KIAA1210: variants seen among roughly 807,000 people sequenced by gnomAD.
The protein encoded by KIAA1210 is acrosomal protein KIAA1210.
In KIAA1210, 48 loss-of-function variants were observed where a neutral mutation model predicts 78.9. The ratio of observed to expected loss-of-function variants is 0.61; its 90% CI spans 0.48 to 0.77. The LOEUF (loss-of-function observed/expected upper bound fraction) is 0.77. Ranked by LOEUF, KIAA1210 falls within the 30% of genes least tolerant of loss-of-function variation. KIAA1210 has a pLI of 0.00. For missense variants in KIAA1210, 1,108 were observed against 1,100.0 expected, an observed-to-expected ratio of 1.01 and a Z score of -0.10; for synonymous variants, 406 against 404.5, an observed-to-expected ratio of 1.00 and a Z score of -0.04.
Position 119,083,005 on chromosome X carries a change from A to G in KIAA1210, c.4426+10T>C, listed in dbSNP as rs1200789073. On this transcript the variant is annotated intron_variant, in intron 11 of 11. Transcript: ENST00000691062. ...GCTGTTTTTTGAGAGGTCAGAATGT[A>G]TGCTTTTACCTGATTTTGTAGGCTT... The G allele has an allele frequency of 8.7e-7, 1 of 1,155,510 alleles. No individual in the cohort carries two copies. The highest frequency in any genetic ancestry group is 1.2e-6 in the Non-Finnish European group (1 of 855,002).
intron 1 of KIAA1210, among the ~76,000 whole-genome samples, chrX:119,147,808 A>T (rs1929204175): frequency 9.0e-6 from 1 of 111,589 alleles, no homozygotes; most frequent in African/African-American, 3.3e-5. Flanking sequence ...GGGTACTGAA[A>T]TCGGAAATGG....
intron 10 of KIAA1210, among the ~76,000 whole-genome samples, chrX:119,084,124 C>A (rs1389918906): frequency 9.1e-6 from 1 of 109,799 alleles, no homozygotes; most frequent in Non-Finnish European, 1.9e-5. Flanking sequence ...GAGTTAAACA[C>A]CTCCTCGCAC....
intron 2 of KIAA1210, among the ~76,000 whole-genome samples, chrX:119,147,002 G>T (rs925725986): frequency 1.8e-5 from 2 of 111,644 alleles, no homozygotes; most frequent in African/African-American, 6.5e-5. Context: ...GTGGAAGTTG[G>T]GTCTGATCTG....
intron 5 of KIAA1210, among the ~76,000 whole-genome samples, chrX:119,106,385 C>A (rs902966087): frequency 1.8e-5 from 2 of 111,651 alleles, no homozygotes. Flanking sequence ...ATGTAACCTG[C>A]CCTAATTCTT....
At chrX:119,150,236 A>G in intron 1 of KIAA1210, 2 of 1,112,967 alleles carry the variant, frequency 1.8e-6, no homozygotes, top group Non-Finnish European at 2.4e-6. Flanking sequence ...CTCAGACTTG[A>G]GTCATTTCTT....
chrX:119,150,298 C>T lies in KIAA1210; in HGVS notation c.282G>A (p.Trp94Ter). Residue 94 changes from tryptophan (W) to a stop codon, truncating the protein, a stop_gained, in exon 1 of 14, where the codon TGG (tryptophan) becomes TGA (stop). Transcript: ENST00000402510. LOFTEE classifies it high-confidence loss of function. ...AGGAGTGCCACAAAGTACCCCTGCA[C>T]CAAGTGGTAGGGAATCGCGGTGTGC... 2 of 1,204,035 alleles carry T rather than the reference C, an allele frequency of 1.7e-6. No homozygotes were observed. The highest frequency in any genetic ancestry group is 2.2e-6 in the Non-Finnish European group (2 of 891,463).
chrX:119,087,809 G>C lies in KIAA1210; in HGVS notation c.2893C>G (p.Arg965Gly), dbSNP rs745577960. The C allele has an allele frequency of 4.1e-6, 5 of 1,211,504 alleles. No homozygotes were observed. The highest frequency in any genetic ancestry group is 1.7e-5 in the African/African-American group (1 of 57,796). Residue 965 changes from arginine to glycine, a missense_variant, in exon 9 of 12, where the codon CGG becomes GGG. This residue lies in a region of KIAA1210 where 179 missense variants were observed against 174.1 expected (regional missense o/e 1.03). Transcript: ENST00000691062. Reference sequence around the variant, plus strand: ...GAAATGTCTGCCTCAATAGCAGCCCGCTCGAAATTTGAGGACAGTTGCTGG... The same window carrying C: ...GAAATGTCTGCCTCAATAGCAGCCCCCTCGAAATTTGAGGACAGTTGCTGG... ...KVQQLSSNFE[R>G]AAIEADISGS... is the part of the protein sequence containing the mutation.
chrX:119,129,958 A>T (rs1392951992), upstream of KIAA1210, among the ~76,000 whole-genome samples: 1 of 112,072 alleles, frequency 8.9e-6, no homozygotes, highest in East Asian at 2.8e-4. Flanking sequence ...ATAAAAATTT[A>T]AAATAAATTT....
chrX:119,146,454 G>T (rs1234130567), intron 2 of KIAA1210, among the ~76,000 whole-genome samples: 1 of 112,112 alleles, frequency 8.9e-6, no homozygotes, highest in African/African-American at 3.2e-5. Flanking sequence ...CCTACAACAA[G>T]TGGAACATCC....
At chrX:119,134,782 G>C (rs1266629865) in intron 2 of KIAA1210, among the ~76,000 whole-genome samples, 1 of 112,170 alleles carries the variant, frequency 8.9e-6, no homozygotes, top group Non-Finnish European at 1.9e-5. Flanking sequence ...GGCCTAAAAG[G>C]TCCTTTCTGA....
chrX:119,122,222 C>T (rs572622434), intron 2 of KIAA1210, among the ~76,000 whole-genome samples: 1 of 109,173 alleles, frequency 9.2e-6, no homozygotes, highest in Admixed American at 9.8e-5. Flanking sequence ...CCTGCAACCA[C>T]ACCTGGCTAA....
In KIAA1210 at chrX:119,081,548, C is replaced by T. The variant is rs7055713; in HGVS notation, c.4427-44G>A. 7.1e-6 allele frequency: 8 copies of T among 1,126,100 alleles called. No homozygotes were observed. In the East Asian group the frequency reaches 2.4e-4, roughly 34 times the overall value. The allele number at this position is 1,126,100 out of a possible 1,213,427, so 92.8% of individuals were successfully genotyped here. A position where few individuals can be genotyped will look rare whatever the true frequency, so the allele number is the denominator to read the frequency against. On this transcript the variant is annotated intron_variant, in intron 11 of 11. Transcript: ENST00000691062. ...ACACACAAGCAATAAGGAACCCCAG[C>T]GATATTGGGGTATGTTGTTTATGGA...
Position 119,093,898 on chromosome X carries a change from A to T in KIAA1210, c.847-123T>A, listed in dbSNP as rs1261055689. ...ATGCTGGGCACGTAACAGTACCTTT[A>T]AAGATGGACGTTATTTCAATGGAGA... On this transcript the variant is annotated intron_variant, in intron 7 of 11. Transcript: ENST00000691062. 7 of 874,703 alleles carry T rather than the reference A, an allele frequency of 8.0e-6. No individual in the cohort carries two copies. The Admixed American group carries it at 1.8e-4, about 22-fold the overall frequency. The allele number at this position is 874,703 out of a possible 1,213,427, so 72.1% of individuals were successfully genotyped here.
intron 5 of KIAA1210, among the ~76,000 whole-genome samples, chrX:119,108,099 A>T (rs746773193): frequency 8.9e-6 from 1 of 111,738 alleles, no homozygotes; most frequent in African/African-American, 3.3e-5. Flanking sequence ...ACAATTTACT[A>T]CCAGGGTGGG....
At chrX:119,132,822 G>GT (rs1364627453) in intron 2 of KIAA1210, among the ~76,000 whole-genome samples, 2 of 111,148 alleles carry the variant, frequency 1.8e-5, no homozygotes, top group Non-Finnish European at 3.8e-5. Flanking sequence ...TTTTCTTGTT[G>GT]GGGGGGTCTT....
chrX:119,088,565 G>T lies in KIAA1210; in HGVS notation c.2137C>A (p.Gln713Lys), dbSNP rs999085539. Residue 713 changes from glutamine to lysine, a missense_variant, in exon 9 of 12, where the codon CAA becomes AAA. Physicochemically the swap from Gln to Lys is moderately conservative, Grantham distance 53. Coordinates refer to ENST00000691062, the MANE Select transcript of KIAA1210 (RefSeq NM_001394962.1). ...AQALGKPKNQ[Q>K]EVSSASNNTP... ...TTATTTGAAGCAGAGGAGACTTCTTGTTGGTTTTTGGGCTTTCCCAAGGCC... is the reference window on the plus strand; with the variant it reads ...TTATTTGAAGCAGAGGAGACTTCTTTTTGGTTTTTGGGCTTTCCCAAGGCC... 17 of 1,209,703 alleles carry T rather than the reference G, an allele frequency of 1.4e-5. No individual in the cohort carries two copies. In the South Asian group the frequency reaches 1.6e-4, roughly 11 times the overall value.
At chrX:119,127,633 A>G (rs964756470) in intron 1 of KIAA1210, among the ~76,000 whole-genome samples, 94 bp downstream of exon 1, 6 of 111,010 alleles carry the variant, frequency 5.4e-5, no homozygotes, top group Non-Finnish European at 9.4e-5. Context: ...GCAAAACACA[A>G]ATCTCCCCTT....
chrX:119,124,971 T>A (rs1187991319), intron 1 of KIAA1210, among the ~76,000 whole-genome samples: 1 of 108,631 alleles, frequency 9.2e-6, no homozygotes, highest in Non-Finnish European at 1.9e-5. Context: ...TAGCAACAAA[T>A]ATAACAGATA....
At chrX:119,145,556 GTAGC>G (rs2147201614) in intron 2 of KIAA1210, among the ~76,000 whole-genome samples, 1 of 111,323 alleles carries the variant, frequency 9.0e-6, no homozygotes, top group African/African-American at 3.3e-5. Context: ...CTACCAGTCT[GTAGC>G]CTGTTAGGAA....
Sources: gnomAD v4.1 joint callset for allele counts (sites outside exome capture counted in the v4.1 genomes callset) on GRCh38, gnomAD v4.1.1 for gene constraint, gnomAD v4.1.1 regional missense constraint, MANE v1.5 for transcripts, NCBI Gene and HGNC (gene_info 2026-07-23, HGNC 2026-07-21) for gene names.